The following CEACAM21 variants were observed in gnomAD, a reference collection of about 807,000 sequenced individuals.
CEACAM21 encodes the protein CEA cell adhesion molecule 21.
CEACAM21 carries 38 observed loss-of-function variants against 33.2 expected under a neutral mutation model. That is an observed-to-expected ratio of 1.14 (90% CI 0.88 to 1.50). CEACAM21 has a LOEUF of 1.50. Among genes scored for constraint, CEACAM21 ranks in the 40% most tolerant of loss-of-function variants. The probability of loss-of-function intolerance (pLI) is 0.00; values close to 1 mark genes in which losing one functional copy is unlikely to be tolerated. For synonymous variants in CEACAM21, 156 were observed against 143.0 expected (o/e 1.09, Z -0.65); for missense variants, 385 against 364.6 (o/e 1.06, Z -0.46).
intron 1 of CEACAM21, chr19:41,555,192 C>G (rs1555785247): frequency 6.6e-6 from 1 of 151,860 alleles, no homozygotes; most frequent in East Asian, 1.9e-4. Context: ...TATTATTGAC[C>G]TCTTCTTCTT....
intron 2 of CEACAM21, among the ~76,000 whole-genome samples, chr19:41,568,540 G>T (rs1459187661): frequency 2.6e-5 from 4 of 152,170 alleles, no homozygotes; most frequent in African/African-American, 9.7e-5. Context: ...TATTGAAGAG[G>T]CTGTCCTTTC....
intron 1 of CEACAM21, chr19:41,555,561 G>A (rs1353758401): frequency 2.6e-5 from 4 of 151,892 alleles, no homozygotes; most frequent in African/African-American, 9.7e-5. Flanking sequence ...ACATCTGGAA[G>A]GCAGGGCATC....
chr19:41,585,881 T>C lies in CEACAM21; in HGVS notation c.*10T>C. 6.2e-7 allele frequency: 1 copy of C among 1,612,700 alleles called. No individual in the cohort carries two copies. Among genetic ancestry groups the C allele is most frequent in the Non-Finnish European group, 8.5e-7 (1 of 1,179,396 alleles). The stretch of plus-strand genomic sequence containing the variant: ...CAGCTCCATCTCCTAGGTAAGACTG[T>C]CCGTTCCCAATCCCATTTCCACTGG... On this transcript the variant is annotated intron_variant, in intron 6 of 6. Coordinates refer to ENST00000401445, the MANE Select transcript of CEACAM21 (RefSeq NM_001098506.4).
intron 4 of CEACAM21, 116 bp downstream of exon 4, chr19:41,584,559 G>T: frequency 1.1e-6 from 1 of 913,094 alleles, no homozygotes; most frequent in Non-Finnish European, 1.7e-6. Flanking sequence ...GACTCCCCAG[G>T]GATCCTTCCC....
rs377527952 is a variant in CEACAM21, at chr19:41,577,558, C to G, written c.423C>G (p.Tyr141Ter). The G allele has an allele frequency of 1.9e-6, 3 of 1,612,518 alleles. No homozygotes were observed. In the African/African-American group the frequency reaches 4.0e-5, roughly 22 times the overall value. ...IEQASHHLRV[Y>*]ESVAQPSIQA... ...AGGCATCTCACCATCTCCGTGTATA[C>G]GGTGAGTGATTCCTCCGTGCCTCTG... Residue 141 changes from tyrosine to a stop codon, truncating the protein, a stop_gained and splice_region_variant, in exon 2 of 7, where the codon TAC (tyrosine) becomes TAG (stop). Transcript: ENST00000401445. LOFTEE classifies it high-confidence loss of function.
chr19:41,559,938 A>G (rs1164313606), intron 1 of CEACAM21, among the ~76,000 whole-genome samples: 1 of 152,116 alleles, frequency 6.6e-6, no homozygotes, highest in Non-Finnish European at 1.5e-5. Flanking sequence ...CAGGCCTGTG[A>G]ACAACGTTGC....
At chr19:41,577,053 G>T in intron 1 of CEACAM21, 147 bp from the exon 2 acceptor site, 1 of 818,264 alleles carries the variant, frequency 1.2e-6, no homozygotes, top group Non-Finnish European at 1.9e-6. Flanking sequence ...AGGAATGAGG[G>T]TCATGCTGCT....
chr19:41,583,906 G>T (rs115739664), intron 3 of CEACAM21, among the ~76,000 whole-genome samples: 4,810 of 152,262 alleles, frequency 0.032, 255 homozygotes, highest in African/African-American at 0.11. Flanking sequence ...GGTGAGAAAA[G>T]CTGCAGGTAG....
chr19:41,584,333 C>T lies in CEACAM21; in HGVS notation c.701-14C>T. The T allele has an allele frequency of 1.2e-6, 2 of 1,604,928 alleles. No individual in the cohort carries two copies. The highest frequency in any genetic ancestry group is 1.7e-6 in the Non-Finnish European group (2 of 1,174,492). On this transcript the variant is annotated splice_polypyrimidine_tract_variant and intron_variant, in intron 3 of 6. Transcript: ENST00000401445. ...ACAGATTTGGACCTCATCCCCTTTG[C>T]CTTCTTCTTTCAGCAGATGACAACA...
At chr19:41,553,682 T>C (rs1231267046) in intron 1 of CEACAM21, 1 of 152,086 alleles carries the variant, frequency 6.6e-6, no homozygotes, top group Non-Finnish European at 1.5e-5. Flanking sequence ...CCTGTCAGAA[T>C]GTGACATTCT....
At chr19:41,579,267 C>A in intron 2 of CEACAM21, 86 bp from the exon 3 acceptor site, 1 of 1,605,210 alleles carries the variant, frequency 6.2e-7, no homozygotes, top group Non-Finnish European at 8.5e-7. Context: ...CCTTTATTCA[C>A]AGGAGAATGT....
chr19:41,577,789 C>T (rs782215757), intron 2 of CEACAM21, among the ~76,000 whole-genome samples: 8 of 152,194 alleles, frequency 5.3e-5, no homozygotes, highest in South Asian at 4.1e-4. Flanking sequence ...TAGTCTGATG[C>T]GGGAGATGCA....
chr19:41,557,546 T>G, intron 1 of CEACAM21, among the ~76,000 whole-genome samples: 1 of 152,246 alleles, frequency 6.6e-6, no homozygotes, highest in South Asian at 2.1e-4. Context: ...AATCGACAGC[T>G]TTTAGGAGTT....
At chr19:41,567,740 A>G (rs2042355324) in intron 2 of CEACAM21, among the ~76,000 whole-genome samples, 1 of 152,218 alleles carries the variant, frequency 6.6e-6, no homozygotes, top group Admixed American at 6.5e-5. Context: ...TTGTAAAGTC[A>G]GCCAGAAATT....
intron 1 of CEACAM21, among the ~76,000 whole-genome samples, chr19:41,562,686 T>C (rs2041962796): frequency 6.6e-6 from 1 of 151,008 alleles, no homozygotes; most frequent in Non-Finnish European, 1.5e-5. Flanking sequence ...GAACATAATT[T>C]TGACCGAAAA....
intron 2 of CEACAM21, among the ~76,000 whole-genome samples, chr19:41,567,858 G>A (rs1487430413): frequency 6.6e-6 from 1 of 150,482 alleles, no homozygotes; most frequent in African/African-American, 2.5e-5. Context: ...TCAATAGTGA[G>A]GATTGGGAAT....
At chr19:41,585,787 G>A (rs2070693082) in intron 5 of CEACAM21, 53 bp from the exon 6 acceptor site, 4 of 1,582,436 alleles carry the variant, frequency 2.5e-6, no homozygotes, top group South Asian at 2.3e-5. Flanking sequence ...ACTCTTGCAG[G>A]AGGGGCCCAG....
At chr19:41,566,845 C>G (rs57979746) in intron 2 of CEACAM21, among the ~76,000 whole-genome samples, 6,325 of 152,148 alleles carry the variant, frequency 0.042, 432 homozygotes, top group East Asian at 0.35. Flanking sequence ...GATTATTGCT[C>G]TATTCATAAT....
At chr19:41,570,236 C>T (rs1396847999) in intron 2 of CEACAM21, among the ~76,000 whole-genome samples, 4 of 152,152 alleles carry the variant, frequency 2.6e-5, no homozygotes, top group Admixed American at 1.3e-4. Context: ...CAGGGACAGA[C>T]CTGAGGAGCC....
Sources: allele counts gnomAD v4.1 joint callset (sites outside exome capture counted in the v4.1 genomes callset), GRCh38; gene constraint gnomAD v4.1.1; transcripts MANE v1.5; gene names NCBI Gene and HGNC (gene_info 2026-07-23, HGNC 2026-07-21).